Variants in SRRM4 observed in about 807,000 individuals in gnomAD.
SRRM4 encodes the protein serine/arginine repetitive matrix 4.
SRRM4 carries 33 observed loss-of-function variants against 68.9 expected under a neutral mutation model. That is an observed-to-expected ratio of 0.48 (90% CI 0.36 to 0.64). The LOEUF (loss-of-function observed/expected upper bound fraction) is 0.64, where lower values mean the gene tolerates loss of function less well. SRRM4 is among the 30% of genes least tolerant of loss of function. SRRM4 has a pLI of 0.00. For synonymous variants in SRRM4, 318 were observed against 318.8 expected, an observed-to-expected ratio of 1.00 and a Z score of 0.03; for missense variants, 817 against 827.1, an observed-to-expected ratio of 0.99 and a Z score of 0.15.
chr12:119,116,921 T>A lies in SRRM4; in HGVS notation c.366-16T>A. The A allele has an allele frequency of 1.9e-6, 3 of 1,613,236 alleles. No homozygotes were observed. Among genetic ancestry groups the A allele is most frequent in the Non-Finnish European group, 1.7e-6 (2 of 1,179,560 alleles). On this transcript the variant is annotated splice_polypyrimidine_tract_variant and intron_variant, in intron 3 of 12. Transcript: ENST00000267260. ...TAAGAGCCTCCTTCTGAAATGTGTC[T>A]TCTTGGCCCTGGCAGGTCCTCATCC... is the stretch of plus-strand genomic sequence containing the variant.
chr12:119,131,873 G>C (rs7967206), intron 8 of SRRM4, among the ~76,000 whole-genome samples: 2,205 of 152,264 alleles, frequency 0.014, 51 homozygotes, highest in African/African-American at 0.05. Context: ...AGCTACATGT[G>C]AACTTGAAAA....
chr12:119,116,784 A>G, intron 3 of SRRM4, 153 bp from the exon 4 acceptor site: 2 of 573,162 alleles, frequency 3.5e-6, no homozygotes, highest in Non-Finnish European at 6.2e-6. Context: ...AAAATTGCTT[A>G]CAAATGCAAG....
At position 119,116,970 on chromosome 12, in the gene SRRM4, AAAG is replaced by A. The variant is rs753805186; in HGVS notation, c.408_410del (p.Lys137del). On this transcript the variant is annotated inframe_deletion, in exon 4 of 13. Coordinates refer to ENST00000267260, the MANE Select transcript of SRRM4 (RefSeq NM_194286.4). ...CCTATAGCCCATCGCCTGTCAAGAA[AAAG>A]AAGAAGAAAAGTTCCAAGAAACACA... 6.2e-6 allele frequency: 10 copies of A among 1,613,790 alleles called. No homozygotes were observed. Among genetic ancestry groups the A allele is most frequent in the South Asian group, 3.3e-5 (3 of 91,076 alleles).
At chr12:119,102,592 G>A (rs1954084041) in intron 2 of SRRM4, among the ~76,000 whole-genome samples, 1 of 152,134 alleles carries the variant, frequency 6.6e-6, no homozygotes, top group Admixed American at 6.5e-5. Context: ...CCATTGCAGT[G>A]CAAAAAACAG....
At position 119,003,044 on chromosome 12, in the gene SRRM4, C is replaced by T. The variant is rs76557417; in HGVS notation, c.131+21031C>T. Among the ~76,000 whole-genome samples, 105 of 151,958 alleles carry T rather than the reference C, an allele frequency of 6.9e-4. 6 individuals are homozygous for T. The East Asian group carries it at 0.015, about 22-fold the overall frequency. On this transcript the variant is annotated intron_variant, in intron 1 of 12. Transcript: ENST00000267260. The stretch of plus-strand genomic sequence containing the variant: ...CAGAGGGGTGACAACACTCATTCAA[C>T]GTCCCACAGCTAGTAAGGGATCAAG...
chr12:119,150,703 C>T (rs930624650), intron 9 of SRRM4, among the ~76,000 whole-genome samples: 2 of 152,284 alleles, frequency 1.3e-5, no homozygotes, highest in Middle Eastern at 3.4e-3. Context: ...AAATTTCTCA[C>T]CATGTAATCT....
At chr12:119,060,595 T>C (rs1953805050) in intron 1 of SRRM4, among the ~76,000 whole-genome samples, 1 of 151,760 alleles carries the variant, frequency 6.6e-6, no homozygotes, top group Non-Finnish European at 1.5e-5. Flanking sequence ...AGAGTTTGTG[T>C]ATTATCTGTA....
chr12:119,143,950 T>C (rs893642117), intron 8 of SRRM4, among the ~76,000 whole-genome samples: 1 of 152,094 alleles, frequency 6.6e-6, no homozygotes, highest in Admixed American at 6.5e-5. Flanking sequence ...CTAAGCATGG[T>C]ACTGCTGGCA....
At chr12:118,990,720 C>T (rs990822464) in intron 1 of SRRM4, among the ~76,000 whole-genome samples, 1 of 152,222 alleles carries the variant, frequency 6.6e-6, no homozygotes, top group Non-Finnish European at 1.5e-5. Context: ...CCATTATCCA[C>T]ATAGACCCAG....
At chr12:119,006,223 T>C (rs1176087949) in intron 1 of SRRM4, among the ~76,000 whole-genome samples, 1 of 152,246 alleles carries the variant, frequency 6.6e-6, no homozygotes, top group Admixed American at 6.5e-5. Flanking sequence ...GAGGATTCTG[T>C]CCCTTTTCCA....
chr12:119,126,550 A>C (rs1449482276), intron 7 of SRRM4, among the ~76,000 whole-genome samples: 1 of 152,186 alleles, frequency 6.6e-6, no homozygotes, highest in Non-Finnish European at 1.5e-5. Flanking sequence ...AAACTATGTA[A>C]ACCCAAACAG....
At chr12:119,122,296 A>AAGGCAGGAAGGC (rs1397501470) in intron 6 of SRRM4, among the ~76,000 whole-genome samples, 176 bp downstream of exon 6, 135 of 89,042 alleles carry the variant, frequency 1.5e-3, no homozygotes, top group African/African-American at 3.6e-3. Context: ...GGAAGGCAGG[A>AAGGCAGGAAGGC]AGGAAGGAAG....
intron 1 of SRRM4, among the ~76,000 whole-genome samples, chr12:119,055,439 A>G (rs1046791798): frequency 1.3e-5 from 2 of 151,626 alleles, no homozygotes; most frequent in African/African-American, 2.4e-5. Flanking sequence ...ATTTTAGTTC[A>G]GGGTTTTTTT....
intron 1 of SRRM4, among the ~76,000 whole-genome samples, chr12:119,085,023 C>T (rs1290572958): frequency 6.6e-6 from 1 of 152,216 alleles, no homozygotes; most frequent in Non-Finnish European, 1.5e-5. Context: ...GTCTCAGCCT[C>T]CCGAGTAGCC....
At chr12:119,014,374 T>C (rs999587450) in intron 1 of SRRM4, among the ~76,000 whole-genome samples, 1 of 152,124 alleles carries the variant, frequency 6.6e-6, no homozygotes. Context: ...GGATTTTATC[T>C]CCTTCCCCGA....
chr12:119,033,572 G>T (rs552926012), intron 1 of SRRM4, among the ~76,000 whole-genome samples: 1 of 151,894 alleles, frequency 6.6e-6, no homozygotes, highest in Non-Finnish European at 1.5e-5. Context: ...GCTGAGGCAG[G>T]AGAATCGCTT....
At chr12:119,068,238 G>T (rs1318633632) in intron 1 of SRRM4, among the ~76,000 whole-genome samples, 1 of 152,202 alleles carries the variant, frequency 6.6e-6, no homozygotes, top group Non-Finnish European at 1.5e-5. Flanking sequence ...CTGTGTCATA[G>T]CTGTTGTGAG....
chr12:119,099,318 G>A (rs980875516), intron 1 of SRRM4, among the ~76,000 whole-genome samples: 1 of 152,134 alleles, frequency 6.6e-6, no homozygotes, highest in East Asian at 1.9e-4. Context: ...ATTTTTAGTA[G>A]AGAAAGGGTT....
At chr12:119,093,554 C>T (rs191621546) in intron 1 of SRRM4, among the ~76,000 whole-genome samples, 226 of 152,290 alleles carry the variant, frequency 1.5e-3, no homozygotes, top group African/African-American at 4.6e-3. Context: ...ATTAGCAACT[C>T]GCCCTCCCCG....
Sources: allele counts gnomAD v4.1 joint callset (sites outside exome capture counted in the v4.1 genomes callset), GRCh38; gene constraint gnomAD v4.1.1; transcripts MANE v1.5; gene names NCBI Gene and HGNC (gene_info 2026-07-23, HGNC 2026-07-21).